The following RBBP8 variants were observed in gnomAD, a reference collection of about 807,000 sequenced individuals.
RBBP8 encodes the protein RB binding protein 8, endonuclease, also known as DNA endonuclease RBBP8.
A neutral mutation model predicts 108.3 loss-of-function variants in RBBP8; 88 were observed. The ratio of observed to expected loss-of-function variants is 0.81; its 90% CI spans 0.68 to 0.97. The LOEUF is 0.97. Ranked by LOEUF, RBBP8 falls within the 50% of genes least tolerant of loss-of-function variation. The probability of loss-of-function intolerance (pLI) is 0.00; values close to 1 mark genes in which losing one functional copy is unlikely to be tolerated. For synonymous variants in RBBP8, 332 were observed against 348.2 expected (o/e 0.95, Z 0.52); for missense variants, 1,023 against 1,049.0 (o/e 0.98, Z 0.34).
chr18:22,993,302 A>C lies in RBBP8; in HGVS notation c.1475A>C (p.Asp492Ala). 1 of 1,614,228 alleles carries C rather than the reference A, an allele frequency of 6.2e-7. No homozygotes were observed. Among genetic ancestry groups the C allele is most frequent in the Non-Finnish European group, 8.5e-7 (1 of 1,180,020 alleles). The change falls in exon 11 of 19, where the codon GAT (aspartate) becomes GCT (alanine). Residue 492 changes from aspartate to alanine, a missense_variant. Asp to Ala is a moderately radical substitution (Grantham distance 126, BLOSUM62 -2). Transcript: ENST00000327155. ...NGDCVMDKPL[D>A]LSDRFSAIQR... ...GACTGTGTGATGGATAAACCTCTGGATCTGTCTGATCGATTTTCAGCTATT... is the reference window on the plus strand; with the variant it reads ...GACTGTGTGATGGATAAACCTCTGGCTCTGTCTGATCGATTTTCAGCTATT...
intron 2 of RBBP8, among the ~76,000 whole-genome samples, chr18:22,941,405 C>T (rs1054794767): frequency 6.6e-6 from 1 of 152,002 alleles, no homozygotes; most frequent in African/African-American, 2.4e-5. Flanking sequence ...TTGCTGACCT[C>T]AAGCAAGCCG....
chr18:22,981,313 T>C (rs955110710), intron 6 of RBBP8, among the ~76,000 whole-genome samples: 3 of 151,948 alleles, frequency 2.0e-5, no homozygotes, highest in African/African-American at 7.3e-5. Flanking sequence ...TTGTTGAGAG[T>C]AGACTATAAG....
chr18:22,990,693 C>T (rs1915622937), intron 9 of RBBP8, among the ~76,000 whole-genome samples: 1 of 152,186 alleles, frequency 6.6e-6, no homozygotes, highest in South Asian at 2.1e-4. Flanking sequence ...TCCCCATTCT[C>T]CTCCCCTCAT....
At chr18:23,012,587 G>A (rs1475856000) in intron 16 of RBBP8, among the ~76,000 whole-genome samples, 2 of 152,188 alleles carry the variant, frequency 1.3e-5, no homozygotes. Flanking sequence ...GTTTGAGGAA[G>A]CTGCAGAAGA....
At chr18:22,927,703 A>G (rs1909844040) in intron 3 of RBBP8, among the ~76,000 whole-genome samples, 1 of 152,164 alleles carries the variant, frequency 6.6e-6, no homozygotes, top group African/African-American at 2.4e-5. Flanking sequence ...AAAATATATT[A>G]AGTTAATTTC....
intron 6 of RBBP8, among the ~76,000 whole-genome samples, chr18:22,979,447 A>G (rs190084815): frequency 2.0e-5 from 3 of 152,308 alleles, no homozygotes; most frequent in African/African-American, 7.2e-5. Context: ...ATTAAAGTGT[A>G]AATCTTTTTT....
chr18:22,967,674 T>G (rs1296853273), intron 4 of RBBP8, among the ~76,000 whole-genome samples: 63 of 143,832 alleles, frequency 4.4e-4, no homozygotes, highest in South Asian at 8.8e-4. Context: ...TGAGACGGAG[T>G]CTCGCTTTGT....
At position 23,007,699 on chromosome 18, in the gene RBBP8, GAA is replaced by G. The variant is rs367964120; in HGVS notation, c.2357+1282_2357+1283del. 1.5e-3 allele frequency among the ~76,000 whole-genome samples: 168 copies of G among 112,490 alleles called. 1 individual carries two copies. The highest frequency in any genetic ancestry group is 2.3e-3 in the Non-Finnish European group (133 of 58,728). The allele number at this position is 112,490 out of a possible 152,430, so 73.8% of individuals were successfully genotyped here. Reference sequence around the variant, plus strand: ...GGCAACAGAGCGAGACTCCGTCTCAGAAAAAAAAAAAAAAAAGACTTTAGGTA... The same window carrying G: ...GGCAACAGAGCGAGACTCCGTCTCAGAAAAAAAAAAAAAAGACTTTAGGTA... On this transcript the variant is annotated intron_variant, in intron 16 of 18. Transcript: ENST00000327155.
At position 23,002,510 on chromosome 18, in the gene RBBP8, G is replaced by A. The variant is rs2045965658; in HGVS notation, c.2287+781G>A. On this transcript the variant is annotated intron_variant, in intron 15 of 18. Coordinates refer to ENST00000327155, the MANE Select transcript of RBBP8 (RefSeq NM_002894.3). ...GACAAAATACCTAATGTAACTATGT[G>A]TATTAGTCTTAATATCTCTTTCATT... Among the ~76,000 whole-genome samples the A allele has an allele frequency of 5.9e-5, 9 of 152,148 alleles. No homozygotes were observed. In the South Asian group the frequency reaches 1.9e-3, roughly 31 times the overall value.
chr18:22,917,054 A>G (rs958625304), intron 3 of RBBP8: 1 of 152,172 alleles, frequency 6.6e-6, no homozygotes, highest in African/African-American at 2.4e-5. Flanking sequence ...GTGCTCAAAA[A>G]AGTTTTAAAC....
chr18:23,000,857 A>G (rs1160750592), intron 14 of RBBP8, among the ~76,000 whole-genome samples: 1 of 152,176 alleles, frequency 6.6e-6, no homozygotes, highest in African/African-American at 2.4e-5. Flanking sequence ...ACAGATTACA[A>G]GAATTAAACC....
chr18:22,945,640 T>C (rs918289700), intron 2 of RBBP8, among the ~76,000 whole-genome samples: 1 of 152,116 alleles, frequency 6.6e-6, no homozygotes, highest in Non-Finnish European at 1.5e-5. Flanking sequence ...CACCTTGGCC[T>C]CCCAAGGTGC....
chr18:22,955,869 C>T (rs1912487199), intron 4 of RBBP8, among the ~76,000 whole-genome samples: 1 of 152,154 alleles, frequency 6.6e-6, no homozygotes, highest in Non-Finnish European at 1.5e-5. Flanking sequence ...TGTGAGCCAC[C>T]GCGCCTGGCC....
At chr18:22,980,776 A>G (rs1436204610) in intron 6 of RBBP8, among the ~76,000 whole-genome samples, 9 of 144,472 alleles carry the variant, frequency 6.2e-5, no homozygotes, top group African/African-American at 1.6e-4. Flanking sequence ...GTGGAGTGGC[A>G]TGATCATAGC....
At chr18:22,962,947 T>G (rs1488997907) in intron 4 of RBBP8, among the ~76,000 whole-genome samples, 1 of 152,076 alleles carries the variant, frequency 6.6e-6, no homozygotes, top group Admixed American at 6.6e-5. Flanking sequence ...TTACTTTACT[T>G]TCCCTTTTTT....
intron 2 of RBBP8, among the ~76,000 whole-genome samples, chr18:22,942,819 G>C (rs150568566): frequency 1.3e-5 from 2 of 151,916 alleles, no homozygotes; most frequent in Non-Finnish European, 2.9e-5. Context: ...TAATAAAATA[G>C]AATTTAAAAT....
At chr18:23,001,437 T>C (rs1327201913) in intron 14 of RBBP8, 149 bp from the exon 15 acceptor site, 6 of 849,546 alleles carry the variant, frequency 7.1e-6, no homozygotes, top group African/African-American at 3.4e-5. Context: ...CAGTACCCAA[T>C]ATATAATCCA....
rs150925343 is a variant in RBBP8 at position 23,000,046 on chromosome 18, T to G, written c.2144-1540T>G. On this transcript the variant is annotated intron_variant, in intron 14 of 18. Transcript: ENST00000327155. Reference sequence around the variant, plus strand: ...CAAAAATTTTGTAGTAGGAAGTATTTTAGGAACTAGAGATAATGAATAAAC... The same window carrying G: ...CAAAAATTTTGTAGTAGGAAGTATTGTAGGAACTAGAGATAATGAATAAAC... Among the ~76,000 whole-genome samples, 52 of 152,268 alleles carry G rather than the reference T, an allele frequency of 3.4e-4. 1 individual carries two copies. In the East Asian group the frequency reaches 5.6e-3, roughly 16 times the overall value.
intron 4 of RBBP8, among the ~76,000 whole-genome samples, chr18:22,957,651 G>A (rs1389629632): frequency 6.6e-6 from 1 of 152,038 alleles, no homozygotes; most frequent in Non-Finnish European, 1.5e-5. Flanking sequence ...AATTGGGAGT[G>A]TTTTTTCTTT....
Sources: allele counts gnomAD v4.1 joint callset (sites outside exome capture counted in the v4.1 genomes callset), GRCh38; gene constraint gnomAD v4.1.1; transcripts MANE v1.5; gene names NCBI Gene and HGNC (gene_info 2026-07-23, HGNC 2026-07-21).